Variants in RAB38 observed in about 807,000 individuals in gnomAD.
The protein encoded by RAB38 is RAB38, member RAS oncogene family, also known as ras-related protein Rab-38.
In RAB38, 15 loss-of-function variants were observed where a neutral mutation model predicts 18.4. The ratio of observed to expected loss-of-function variants is 0.82; its 90% CI spans 0.55 to 1.26. RAB38 has a LOEUF of 1.26. Ranked by LOEUF, RAB38 falls within the 50% of genes most tolerant of loss-of-function variation. The pLI is 0.00. For synonymous variants in RAB38, 101 were observed against 104.4 expected, an observed-to-expected ratio of 0.97 and a Z score of 0.20; for missense variants, 294 against 267.4, an observed-to-expected ratio of 1.10 and a Z score of -0.69.
chr11:87,888,459 C>T, the RAB38 span, among the ~76,000 whole-genome samples: 6,820 of 151,990 alleles, frequency 0.045, 508 homozygotes, highest in African/African-American at 0.16. Flanking sequence ...CACTCTTTAT[C>T]TGTAAGATCT....
chr11:88,030,601 T>G, the RAB38 span, among the ~76,000 whole-genome samples: 1 of 152,054 alleles, frequency 6.6e-6, no homozygotes, highest in Non-Finnish European at 1.5e-5. Flanking sequence ...CAAAAACACC[T>G]CTACGCAAAT....
chr11:88,081,535 G>T, the RAB38 span, among the ~76,000 whole-genome samples: 2 of 151,894 alleles, frequency 1.3e-5, no homozygotes, highest in Non-Finnish European at 2.9e-5. Flanking sequence ...CTAGCTTCTG[G>T]TGGCTATTGG....
intron 2 of RAB38, among the ~76,000 whole-genome samples, chr11:88,142,338 T>C (rs928642370): frequency 3.8e-4 from 58 of 152,316 alleles, no homozygotes; most frequent in African/African-American, 1.4e-3. Flanking sequence ...GAATTAGTGA[T>C]AATAGCTGTG....
At chr11:88,108,816 T>G (rs1942436303), downstream of RAB38, among the ~76,000 whole-genome samples, 1 of 152,228 alleles carries the variant, frequency 6.6e-6, no homozygotes, top group Non-Finnish European at 1.5e-5. Flanking sequence ...CAGGAGCTCT[T>G]GTAAAGCAGG....
the RAB38 span, among the ~76,000 whole-genome samples, chr11:88,096,041 T>C: frequency 1.3e-5 from 2 of 151,870 alleles, no homozygotes; most frequent in Admixed American, 1.3e-4. Flanking sequence ...TAAACTCTTC[T>C]TTACACAACA....
the RAB38 span, among the ~76,000 whole-genome samples, chr11:87,864,436 T>C: frequency 6.6e-6 from 1 of 151,484 alleles, no homozygotes; most frequent in African/African-American, 2.4e-5. Context: ...AGTAGCAGTA[T>C]TTTACCTCAT....
At position 88,149,868 on chromosome 11, in the gene RAB38, G is replaced by A; in HGVS notation, c.290C>T (p.Thr97Ile). Residue 97 changes from threonine (T) to isoleucine (I), a missense_variant, in exon 2 of 3, where the codon ACA becomes ATA. Coordinates refer to ENST00000243662, the MANE Select transcript of RAB38 (RefSeq NM_022337.3). ...FIVFDVTRPA[T>I]FEAVAKWKND... ...TTTCCACTTTGCCACTGCTTCAAAT[G>A]TGGCTGGCCTGGTGACATCGAAGAC... 1 of 1,614,032 alleles carries A rather than the reference G, an allele frequency of 6.2e-7. No homozygotes were observed. The highest frequency in any genetic ancestry group is 8.5e-7 in the Non-Finnish European group (1 of 1,180,002).
intron 2 of RAB38, among the ~76,000 whole-genome samples, chr11:88,148,341 C>G (rs912224351): frequency 3.3e-5 from 5 of 152,308 alleles, no homozygotes; most frequent in Middle Eastern, 3.4e-3. Flanking sequence ...CCATCAACTC[C>G]AATCCAAGTG....
chr11:87,896,612 T>TA, the RAB38 span, among the ~76,000 whole-genome samples: 1 of 151,168 alleles, frequency 6.6e-6, no homozygotes, highest in Non-Finnish European at 1.5e-5. Flanking sequence ...AAAAGAAAAA[T>TA]AAAAAAACAG....
At chr11:87,849,893 G>A in the RAB38 span, among the ~76,000 whole-genome samples, 1 of 151,962 alleles carries the variant, frequency 6.6e-6, no homozygotes, top group African/African-American at 2.4e-5. Context: ...ATAATTGAGG[G>A]ATCATTATGA....
At chr11:87,836,182 A>G in the RAB38 span, among the ~76,000 whole-genome samples, 1 of 152,214 alleles carries the variant, frequency 6.6e-6, no homozygotes. Flanking sequence ...AAGAGTTGTC[A>G]TGCTAAAGTC....
chr11:88,153,805 A>G lies in RAB38; in HGVS notation c.203-3850T>C, dbSNP rs183200079. ...ATGTTAGTGTATGATTAGTCTTAAA[A>G]CTGCTATTTCTTTTTTTCCCCCCAA... On this transcript the variant is annotated intron_variant, in intron 1 of 2. Coordinates refer to ENST00000243662, the MANE Select transcript of RAB38 (RefSeq NM_022337.3). Among the ~76,000 whole-genome samples, 438 of 152,268 alleles carry G rather than the reference A, an allele frequency of 2.9e-3. 2 individuals carry two copies. Among genetic ancestry groups the G allele is most frequent in the African/African-American group, 9.5e-3 (396 of 41,552 alleles).
chr11:88,088,850 A>G, the RAB38 span, among the ~76,000 whole-genome samples: 1 of 151,876 alleles, frequency 6.6e-6, no homozygotes, highest in African/African-American at 2.4e-5. Flanking sequence ...CTCAAGATAT[A>G]TCGGGGAAAA....
the RAB38 span, among the ~76,000 whole-genome samples, chr11:87,857,162 C>G: frequency 6.6e-6 from 1 of 152,106 alleles, no homozygotes; most frequent in Admixed American, 6.5e-5. Flanking sequence ...TGGTTTCCAG[C>G]TTCATCCATG....
At chr11:87,859,052 C>T in the RAB38 span, among the ~76,000 whole-genome samples, 1 of 151,246 alleles carries the variant, frequency 6.6e-6, no homozygotes, top group Admixed American at 6.6e-5. Flanking sequence ...TTTTGAATTA[C>T]TGGAAAAGAA....
chr11:87,951,992 T>C, the RAB38 span, among the ~76,000 whole-genome samples: 1 of 152,070 alleles, frequency 6.6e-6, no homozygotes, highest in East Asian at 1.9e-4. Context: ...ACAGGAGCTG[T>C]TCCTATTCGG....
the RAB38 span, among the ~76,000 whole-genome samples, chr11:87,884,213 G>A: frequency 6.6e-6 from 1 of 151,928 alleles, no homozygotes; most frequent in Admixed American, 6.6e-5. Context: ...AAAACCCCTA[G>A]AATTAACATC....
At chr11:87,896,040 T>C in the RAB38 span, among the ~76,000 whole-genome samples, 2 of 151,720 alleles carry the variant, frequency 1.3e-5, no homozygotes, top group Non-Finnish European at 3.0e-5. Context: ...AAATGTTATT[T>C]ATTTGGATAG....
intron 2 of RAB38, among the ~76,000 whole-genome samples, chr11:88,144,159 G>A (rs1196534239): frequency 1.3e-5 from 2 of 152,168 alleles, no homozygotes; most frequent in Non-Finnish European, 2.9e-5. Context: ...ATGATTCTCA[G>A]TTTGCTCTGG....
Sources: gnomAD v4.1 joint callset for allele counts (sites outside exome capture counted in the v4.1 genomes callset) on GRCh38, gnomAD v4.1.1 for gene constraint, MANE v1.5 for transcripts, NCBI Gene and HGNC (gene_info 2026-07-23, HGNC 2026-07-21) for gene names.